The following TRIM9 variants were observed in gnomAD, a reference collection of about 807,000 sequenced individuals.
TRIM9 encodes E3 ubiquitin-protein ligase TRIM9.
TRIM9 carries 26 observed loss-of-function variants against 78.3 expected under a neutral mutation model. The ratio of observed to expected loss-of-function variants is 0.33; its 90% CI spans 0.24 to 0.46. The LOEUF (loss-of-function observed/expected upper bound fraction) is 0.46. Ranked by LOEUF, TRIM9 falls within the 20% of genes least tolerant of loss-of-function variation. The pLI is 1.00. For synonymous variants in TRIM9, 398 were observed against 416.5 expected (o/e 0.96, Z 0.54); for missense variants, 787 against 1,036.4 (o/e 0.76, Z 3.30).
intron 1 of TRIM9, among the ~76,000 whole-genome samples, chr14:51,034,283 A>C (rs2058966246): frequency 6.6e-6 from 1 of 152,212 alleles, no homozygotes; most frequent in Non-Finnish European, 1.5e-5. Flanking sequence ...GACCACTTCT[A>C]AGTGCTTCAC....
chr14:51,058,841 G>A (rs1566624502), intron 1 of TRIM9, among the ~76,000 whole-genome samples: 1 of 152,192 alleles, frequency 6.6e-6, no homozygotes, highest in Non-Finnish European at 1.5e-5. Context: ...GCTTTTGGAA[G>A]AATAAGAAAA....
intron 1 of TRIM9, among the ~76,000 whole-genome samples, chr14:51,058,866 T>TA (rs2061106150): frequency 6.6e-6 from 1 of 152,258 alleles, no homozygotes; most frequent in Non-Finnish European, 1.5e-5. Context: ...TGCTGATTCT[T>TA]AAACATAGTG....
chr14:50,996,576 C>T (rs2054230609), intron 7 of TRIM9: 1 of 985,448 alleles, frequency 1.0e-6, no homozygotes, highest in Non-Finnish European at 1.2e-6. Flanking sequence ...ATGCACTTCA[C>T]TCTTCAATCA....
At chr14:51,033,456 T>TA (rs2058899257) in intron 1 of TRIM9, among the ~76,000 whole-genome samples, 1 of 152,244 alleles carries the variant, frequency 6.6e-6, no homozygotes, top group South Asian at 2.1e-4. Context: ...AACACTTTTG[T>TA]CATACCATGT....
chr14:51,074,899 T>C (rs1370492062), intron 1 of TRIM9, among the ~76,000 whole-genome samples: 2 of 152,234 alleles, frequency 1.3e-5, no homozygotes, highest in Non-Finnish European at 2.9e-5. Context: ...AACTACATGG[T>C]TCATCTCCTT....
intron 7 of TRIM9, 130 bp downstream of exon 7, chr14:50,997,920 G>A (rs534366350): frequency 2.0e-6 from 3 of 1,508,662 alleles, no homozygotes; most frequent in East Asian, 2.4e-5. Flanking sequence ...CAGCGGCTCT[G>A]TGCAGAATGC....
At chr14:50,986,225 ACAATG>A in intron 7 of TRIM9, 81 bp from the exon 8 acceptor site, 1 of 1,187,478 alleles carries the variant, frequency 8.4e-7, no homozygotes. Context: ...ACCTGCCTTA[ACAATG>A]CATTCATACA....
intron 3 of TRIM9, 77 bp from the exon 4 acceptor site, chr14:51,010,571 G>A (rs1056464776): frequency 1.9e-6 from 2 of 1,066,814 alleles, no homozygotes; most frequent in Admixed American, 2.1e-5. Context: ...CCATTGGAAA[G>A]CTTCTTCAAA....
intron 8 of TRIM9, among the ~76,000 whole-genome samples, chr14:50,983,906 T>C (rs746066073): frequency 6.6e-6 from 1 of 152,208 alleles, no homozygotes; most frequent in Non-Finnish European, 1.5e-5. Context: ...TGTGAATACA[T>C]ACATCTTATT....
intron 1 of TRIM9, among the ~76,000 whole-genome samples, chr14:51,067,960 T>C (rs1174802625): frequency 1.3e-5 from 2 of 152,204 alleles, no homozygotes; most frequent in African/African-American, 4.8e-5. Context: ...TCCTAAAAAT[T>C]ACTGACGCAT....
chr14:51,049,786 C>T (rs921496152), intron 1 of TRIM9, among the ~76,000 whole-genome samples: 2 of 151,150 alleles, frequency 1.3e-5, no homozygotes, highest in Non-Finnish European at 2.9e-5. Context: ...GATTGCACCA[C>T]TGCACTCCAG....
At chr14:51,022,764 C>A in intron 3 of TRIM9, 71 bp downstream of exon 3, 1 of 1,593,508 alleles carries the variant, frequency 6.3e-7, no homozygotes. Flanking sequence ...GGAATTCTCC[C>A]AGCCTGTCCA....
chr14:50,996,979 G>A (rs1317246476), intron 7 of TRIM9: 1 of 985,286 alleles, frequency 1.0e-6, no homozygotes, highest in Non-Finnish European at 1.2e-6. Flanking sequence ...ACTGGCACAT[G>A]TTGAGGTTTG....
intron 1 of TRIM9, chr14:51,091,288 A>G (rs1234773453): frequency 6.6e-6 from 1 of 152,344 alleles, no homozygotes; most frequent in Non-Finnish European, 1.5e-5. Flanking sequence ...CCATTTTATT[A>G]TATCTTGAGT....
chr14:51,016,923 A>G (rs1057002135), intron 3 of TRIM9, among the ~76,000 whole-genome samples: 1 of 152,204 alleles, frequency 6.6e-6, no homozygotes, highest in Non-Finnish European at 1.5e-5. Context: ...TTTAAGATGC[A>G]AGTTTGAAGT....
chr14:51,030,837 T>A (rs1240612347), intron 1 of TRIM9, among the ~76,000 whole-genome samples: 1 of 151,964 alleles, frequency 6.6e-6, no homozygotes, highest in Non-Finnish European at 1.5e-5. Context: ...CTGCTGCTTA[T>A]TGTTAATTGG....
Position 50,999,248 on chromosome 14 carries a change from C to T in TRIM9, c.1465-1060G>A, listed in dbSNP as rs1044921873. Among the ~76,000 whole-genome samples the T allele has an allele frequency of 3.3e-5, 5 of 152,000 alleles. No homozygotes were observed. The East Asian group carries it at 9.7e-4, about 29-fold the overall frequency. ...AGAATTGGGAAAACCGGGAGAGTTA[C>T]TTTCCCAGGAGAAAAAAAAGATAAT... is the stretch of plus-strand genomic sequence containing the variant. On this transcript the variant is annotated intron_variant, in intron 6 of 12. Coordinates refer to ENST00000684578, the MANE Select transcript of TRIM9 (RefSeq NM_001387360.1).
chr14:51,036,470 G>A (rs1352949161), intron 1 of TRIM9, among the ~76,000 whole-genome samples: 1 of 152,098 alleles, frequency 6.6e-6, no homozygotes, highest in Admixed American at 6.5e-5. Flanking sequence ...GGGGAATGGG[G>A]AAAGGGGCTT....
chr14:51,032,288 G>C (rs976241570), intron 1 of TRIM9, among the ~76,000 whole-genome samples: 4 of 152,330 alleles, frequency 2.6e-5, no homozygotes, highest in African/African-American at 9.6e-5. Flanking sequence ...CATTTCACTA[G>C]TTGTGTGATC....
Sources: gnomAD v4.1 joint callset for allele counts (sites outside exome capture counted in the v4.1 genomes callset) on GRCh38, gnomAD v4.1.1 for gene constraint, MANE v1.5 for transcripts, NCBI Gene and HGNC (gene_info 2026-07-23, HGNC 2026-07-21) for gene names.